Variants in PCDHA3 observed in about 807,000 individuals in gnomAD.
The protein encoded by PCDHA3 is protocadherin alpha-3.
Under a neutral mutation model 62.2 loss-of-function variants are expected in PCDHA3, and 41 were observed. The observed-to-expected ratio is 0.66, with a 90% confidence interval of 0.51 to 0.86. PCDHA3 has a LOEUF of 0.86. Among genes scored for constraint, PCDHA3 ranks in the 40% least tolerant of loss-of-function variants. The pLI, the probability that PCDHA3 is intolerant of heterozygous loss-of-function variation, is 0.00. For missense variants in PCDHA3, 1,304 were observed against 1,241.2 expected (o/e 1.05, Z -0.76); for synonymous variants, 640 against 555.4 (o/e 1.15, Z -2.14).
At chr5:140,803,740 G>C (rs2240693) in intron 1 of PCDHA3, 149 bp downstream of exon 1, 720,374 of 1,349,284 alleles carry the variant, frequency 0.53, 194,947 homozygotes, top group African/African-American at 0.7. Flanking sequence ...GGTTAAAACG[G>C]TAAGATTTTT....
At chr5:140,829,666 C>T in intron 1 of PCDHA3, 2 of 1,612,840 alleles carry the variant, frequency 1.2e-6, no homozygotes, top group Non-Finnish European at 1.7e-6. Flanking sequence ...CGCTGGACCA[C>T]GAGGAGCTAG....
At chr5:140,857,310 A>T in intron 1 of PCDHA3, 1 of 1,598,608 alleles carries the variant, frequency 6.3e-7, no homozygotes, top group Non-Finnish European at 8.6e-7. Flanking sequence ...TCGGCCTATG[A>T]GCTGGTGGTG....
intron 1 of PCDHA3, among the ~76,000 whole-genome samples, chr5:140,976,508 G>A (rs1039409709): frequency 6.6e-6 from 1 of 151,976 alleles, no homozygotes; most frequent in Non-Finnish European, 1.5e-5. Context: ...CCAAGATCGC[G>A]CCACTGCACA....
At chr5:140,959,066 G>T (rs913581823) in intron 1 of PCDHA3, among the ~76,000 whole-genome samples, 81 of 152,142 alleles carry the variant, frequency 5.3e-4, no homozygotes, top group African/African-American at 1.9e-3. Flanking sequence ...AGTATATATA[G>T]AATTCAGTAT....
chr5:140,960,886 A>G (rs1161636963), intron 1 of PCDHA3, among the ~76,000 whole-genome samples: 1 of 152,198 alleles, frequency 6.6e-6, no homozygotes, highest in African/African-American at 2.4e-5. Context: ...CACACTAATG[A>G]ATTTGGGGCA....
At chr5:140,948,865 C>T (rs1358865868) in intron 1 of PCDHA3, among the ~76,000 whole-genome samples, 4 of 151,324 alleles carry the variant, frequency 2.6e-5, no homozygotes, top group African/African-American at 4.8e-5. Flanking sequence ...TATATTACTT[C>T]GGGTTTACTT....
chr5:140,810,572 G>A (rs1764686057), intron 1 of PCDHA3: 1 of 152,160 alleles, frequency 6.6e-6, no homozygotes, highest in African/African-American at 2.4e-5. Context: ...TTTAAATGAA[G>A]TTGAGTACCT....
Position 140,846,625 on chromosome 5 carries a change from C to T in PCDHA3, c.2394+43034C>T, listed in dbSNP as rs2150393112. 1.6e-3 allele frequency among the ~76,000 whole-genome samples: 241 copies of T among 149,122 alleles called. 15 individuals are homozygous for T. Among genetic ancestry groups the T allele is most frequent in the African/African-American group, 5.6e-3 (229 of 40,752 alleles). On this transcript the variant is annotated intron_variant, in intron 1 of 3. Coordinates refer to ENST00000522353, the MANE Select transcript of PCDHA3 (RefSeq NM_018906.3). ...TCCTGACCTCCTGATCCGCCCACTT[C>T]GGCCTCCTAAAGTGCTGGGATTACA...
At chr5:140,867,220 A>G (rs782476423) in intron 1 of PCDHA3, 2 of 152,110 alleles carry the variant, frequency 1.3e-5, no homozygotes, top group Non-Finnish European at 2.9e-5. Flanking sequence ...TTCATCCCCA[A>G]TTCCCATAAT....
rs2150155775 is a variant in PCDHA3, at chr5:140,828,477, A to T, written c.2394+24886A>T. The T allele has an allele frequency of 1.4e-5, 22 of 1,613,890 alleles. No homozygotes were observed. The South Asian group carries it at 2.4e-4, about 18-fold the overall frequency. ...GTGGAGGTGAGGGACATTAACGACAACCCGCCCTTGTTCCCGGTAGAGGAA... is the reference window on the plus strand; with the variant it reads ...GTGGAGGTGAGGGACATTAACGACATCCCGCCCTTGTTCCCGGTAGAGGAA... On this transcript the variant is annotated intron_variant, in intron 1 of 3. Coordinates refer to ENST00000522353, the MANE Select transcript of PCDHA3 (RefSeq NM_018906.3).
intron 1 of PCDHA3, chr5:140,877,567 T>C (rs1487907484): frequency 6.2e-7 from 1 of 1,613,664 alleles, no homozygotes; most frequent in East Asian, 2.2e-5. Context: ...TATTAACGTG[T>C]ACCTCATCAT....
chr5:140,803,289 G>A lies in PCDHA3; in HGVS notation c.2092G>A (p.Val698Met), dbSNP rs781851356. The A allele has an allele frequency of 4.3e-6, 7 of 1,614,088 alleles. No individual in the cohort carries two copies. Among genetic ancestry groups the A allele is most frequent in the African/African-American group, 1.3e-5 (1 of 75,076 alleles). Residue 698 changes from valine to methionine, a missense_variant, in exon 1 of 4, where the codon GTG becomes ATG. Val to Met is a conservative substitution (Grantham distance 21). Transcript: ENST00000522353. ...GGAAGCTGCACTGGTGGATGTCAAC[G>A]TGTACTTGATCGTCGCCATCTGCGC... is the stretch of plus-strand genomic sequence containing the variant. ...GPEAALVDVN[V>M]YLIVAICAVS...
chr5:140,914,185 C>G (rs1183431482), intron 1 of PCDHA3, among the ~76,000 whole-genome samples: 1 of 152,130 alleles, frequency 6.6e-6, no homozygotes, highest in Non-Finnish European at 1.5e-5. Flanking sequence ...AATTCTCCAC[C>G]TATTATTGTA....
At chr5:140,803,618 A>C in intron 1 of PCDHA3, 27 bp downstream of exon 1, 3 of 1,614,038 alleles carry the variant, frequency 1.9e-6, no homozygotes, top group Non-Finnish European at 2.5e-6. Flanking sequence ...TATTCTTTCC[A>C]AAATGTCTTT....
intron 1 of PCDHA3, among the ~76,000 whole-genome samples, chr5:140,892,783 T>C (rs1554185363): frequency 6.6e-6 from 1 of 152,168 alleles, no homozygotes; most frequent in African/African-American, 2.4e-5. Context: ...TTCTTGAAAA[T>C]ATGTAAGAAA....
At chr5:140,834,957 C>T in intron 1 of PCDHA3, 2 of 1,532,930 alleles carry the variant, frequency 1.3e-6, no homozygotes, top group Non-Finnish European at 1.8e-6. Flanking sequence ...GGTAAAACCT[C>T]TTGGACTTGT....
chr5:140,961,985 G>A (rs782724308), intron 1 of PCDHA3, among the ~76,000 whole-genome samples: 30 of 151,692 alleles, frequency 2.0e-4, no homozygotes, highest in Non-Finnish European at 4.0e-4. Context: ...CTGGGTTCAC[G>A]CCATTGTCCT....
At chr5:140,823,642 G>T (rs138093911) in intron 1 of PCDHA3, 6 of 1,614,036 alleles carry the variant, frequency 3.7e-6, no homozygotes, top group Non-Finnish European at 5.1e-6. Context: ...CCCGTTCCGC[G>T]TGGGGCTGTA....
rs1422050863 is a variant in PCDHA3 at position 140,908,165 on chromosome 5, G to A, written c.2395-70784G>A. ...GTATGTCCTAGGAAGGGGCTGTAGT[G>A]CTGCAGCTGTCCACTTTCAGGTGGT... On this transcript the variant is annotated intron_variant, in intron 1 of 3. Coordinates refer to ENST00000522353, the MANE Select transcript of PCDHA3 (RefSeq NM_018906.3). 2.6e-5 allele frequency among the ~76,000 whole-genome samples: 4 copies of A among 152,222 alleles called. 1 individual carries two copies. The highest frequency in any genetic ancestry group is 5.9e-5 in the Non-Finnish European group (4 of 68,046).
Sources: allele counts gnomAD v4.1 joint callset (sites outside exome capture counted in the v4.1 genomes callset), GRCh38; gene constraint gnomAD v4.1.1; transcripts MANE v1.5; gene names NCBI Gene and HGNC (gene_info 2026-07-23, HGNC 2026-07-21).